Variants in DDTL observed in about 807,000 individuals in gnomAD.
DDTL encodes the protein D-dopachrome tautomerase like, also known as putative D-dopachrome decarboxylase-like protein.
Under a neutral mutation model 1.1 loss-of-function variants are expected in DDTL, and 1 was observed. That is an observed-to-expected ratio of 0.91 (90% confidence interval 0.32 to 4.31). DDTL has a LOEUF of 4.31. DDTL is among the 30% of genes most tolerant of loss of function. The probability of loss-of-function intolerance (pLI) is 0.17; values close to 1 mark genes in which losing one functional copy is unlikely to be tolerated. For missense variants in DDTL, 54 were observed against 48.9 expected (o/e 1.10, Z -0.31); for synonymous variants, 21 against 16.6 (o/e 1.26, Z -0.64).
In DDTL at chr22:23,971,431, C is replaced by A. The variant is rs775227001; in HGVS notation, c.*25C>A. 6.2e-7 allele frequency: 1 copy of A among 1,610,854 alleles called. No individual in the cohort carries two copies. Among genetic ancestry groups the A allele is most frequent in the Non-Finnish European group, 8.5e-7 (1 of 1,178,100 alleles). ...AGGATGAAGAAGAGGATTATGTGAT[C>A]ACAGGAATGTTGCATGCGGGATAAT... On this transcript the variant is annotated 3_prime_UTR_variant, in exon 3 of 3. Coordinates refer to ENST00000215770, the MANE Select transcript of DDTL (RefSeq NM_001084393.2).
chr22:23,971,226 G>C, intron 2 of DDTL, 60 bp from the exon 3 acceptor site: 2 of 1,550,916 alleles, frequency 1.3e-6, no homozygotes, highest in Non-Finnish European at 1.7e-6. Flanking sequence ...GTGGAGAGCA[G>C]AGCCTCCAGG....
At chr22:23,969,904 T>G (rs2033867666) in intron 2 of DDTL, 1 of 979,202 alleles carries the variant, frequency 1.0e-6, no homozygotes, top group African/African-American at 1.8e-5. Flanking sequence ...CAGTGCTGTG[T>G]AGGTGGCAGT....
intron 2 of DDTL, chr22:23,969,304 G>A: frequency 1.0e-6 from 1 of 985,402 alleles, no homozygotes; most frequent in Non-Finnish European, 1.2e-6. Context: ...ACAGACATTA[G>A]TGGTGGGGGG....
At chr22:23,969,249 C>T (rs1245401090) in intron 2 of DDTL, 1 of 985,422 alleles carries the variant, frequency 1.0e-6, no homozygotes, top group Admixed American at 6.1e-5. Context: ...GCGCTCCTCA[C>T]TGAAAACTGC....
rs1026628773 is a variant in DDTL, at chr22:23,971,159, C to T, written c.285-127C>T. The T allele has an allele frequency of 3.5e-6, 5 of 1,410,308 alleles. No homozygotes were observed. In the Admixed American group the frequency reaches 6.9e-5, roughly 19 times the overall value. The allele number at this position is 1,410,308 out of a possible 1,614,324, so 87.4% of individuals were successfully genotyped here. A position where few individuals can be genotyped will look rare whatever the true frequency, so the allele number is the denominator to read the frequency against. ...ACAGGAGCCTCAGGTCAGCAGTCTG[C>T]AGGAAGGCCCCAGCTGGACCAGCTG... On this transcript the variant is annotated intron_variant, in intron 2 of 2. Coordinates refer to ENST00000215770, the MANE Select transcript of DDTL (RefSeq NM_001084393.2).
Position 23,971,537 on chromosome 22 carries a change from C to A in DDTL, c.*131C>A. The A allele has an allele frequency of 6.2e-7, 1 of 1,613,694 alleles. No homozygotes were observed. Among genetic ancestry groups the A allele is most frequent in the South Asian group, 1.1e-5 (1 of 91,004 alleles). ...CAGCCAGTTCACAGATGCCCTGGATCCCTCCGTGCCCAATCATAAAAAAGT... is the reference window on the plus strand; with the variant it reads ...CAGCCAGTTCACAGATGCCCTGGATACCTCCGTGCCCAATCATAAAAAAGT... On this transcript the variant is annotated 3_prime_UTR_variant, in exon 3 of 3. Coordinates refer to ENST00000215770, the MANE Select transcript of DDTL (RefSeq NM_001084393.2).
At position 23,970,103 on chromosome 22, in the gene DDTL, G is replaced by A. The variant is rs143006391; in HGVS notation, c.285-1183G>A. Among the ~76,000 whole-genome samples the A allele has an allele frequency of 4.0e-4, 61 of 152,294 alleles. 1 individual carries two copies. The South Asian group carries it at 5.0e-3, about 12-fold the overall frequency. On this transcript the variant is annotated intron_variant, in intron 2 of 2. Transcript: ENST00000215770. Reference sequence around the variant, plus strand: ...CTAGTGCTGGAGGCATGAAGATGGGGTGTGTTCAGGGCTCTCCAGCAGTCC... The same window carrying A: ...CTAGTGCTGGAGGCATGAAGATGGGATGTGTTCAGGGCTCTCCAGCAGTCC...
At chr22:23,969,382 T>G in intron 2 of DDTL, 1 of 984,270 alleles carries the variant, frequency 1.0e-6, no homozygotes, top group Non-Finnish European at 1.2e-6. Flanking sequence ...AGTCTGCAAT[T>G]AGGAGGAGGC....
At chr22:23,970,035 C>G (rs1255794429) in intron 2 of DDTL, among the ~76,000 whole-genome samples, 1 of 152,102 alleles carries the variant, frequency 6.6e-6, no homozygotes. Context: ...TAGAAGTGAC[C>G]TTGAGTTGCA....
chr22:23,971,701 C>T lies in DDTL; in HGVS notation c.*295C>T. On this transcript the variant is annotated 3_prime_UTR_variant, in exon 3 of 3. Coordinates refer to ENST00000215770, the MANE Select transcript of DDTL (RefSeq NM_001084393.2). The stretch of plus-strand genomic sequence containing the variant: ...TTGCAAGACCCCTGCCAGGTACTCC[C>T]ACTGTGGGTACTCAGGACAGCCTGC... The T allele has an allele frequency of 4.5e-6, 6 of 1,342,718 alleles. No homozygotes were observed. The highest frequency in any genetic ancestry group is 6.3e-6 in the Non-Finnish European group (6 of 958,704). 83.2% of individuals were successfully genotyped at this position (1,342,718 alleles called of 1,614,324 possible). A position where few individuals can be genotyped will look rare whatever the true frequency, so the allele number is the denominator to read the frequency against.
chr22:23,970,609 G>A (rs2033883812), intron 2 of DDTL, among the ~76,000 whole-genome samples: 1 of 152,104 alleles, frequency 6.6e-6, no homozygotes, highest in African/African-American at 2.4e-5. Flanking sequence ...GTGACTGGGT[G>A]TATATGTGTG....
intron 2 of DDTL, among the ~76,000 whole-genome samples, chr22:23,970,513 T>C (rs977277609): frequency 6.6e-6 from 1 of 151,220 alleles, no homozygotes; most frequent in Admixed American, 6.6e-5. Context: ...AATGCTGTGA[T>C]TGTGTGTGTG....
At position 23,971,283 on chromosome 22, in the gene DDTL, C is replaced by T. The variant is rs1243433057; in HGVS notation, c.285-3C>T. On this transcript the variant is annotated splice_region_variant and splice_polypyrimidine_tract_variant and intron_variant, in intron 2 of 2. Transcript: ENST00000215770. ...CTGAGCAGTCTAAATCATCCCCCTC[C>T]AGGTTCCCTACGGTCTTATCCACCA... 1 of 1,610,346 alleles carries T rather than the reference C, an allele frequency of 6.2e-7. No homozygotes were observed. Among genetic ancestry groups the T allele is most frequent in the African/African-American group, 1.3e-5 (1 of 74,722 alleles).
At chr22:23,969,396 T>C in intron 2 of DDTL, 1 of 983,392 alleles carries the variant, frequency 1.0e-6, no homozygotes, top group African/African-American at 1.8e-5. Flanking sequence ...AGGAGGCAGA[T>C]TGCCCCTCAG....
At position 23,971,269 on chromosome 22, in the gene DDTL, A is replaced by C. The variant is rs925666063; in HGVS notation, c.285-17A>C. 8 of 1,606,484 alleles carry C rather than the reference A, an allele frequency of 5.0e-6. No homozygotes were observed. The East Asian group carries it at 6.7e-5, about 14-fold the overall frequency. Reference sequence around the variant, plus strand: ...TCCCAGCCCCAGATCTGAGCAGTCTAAATCATCCCCCTCCAGGTTCCCTAC... The same window carrying C: ...TCCCAGCCCCAGATCTGAGCAGTCTCAATCATCCCCCTCCAGGTTCCCTAC... On this transcript the variant is annotated splice_polypyrimidine_tract_variant and intron_variant, in intron 2 of 2. Coordinates refer to ENST00000215770, the MANE Select transcript of DDTL (RefSeq NM_001084393.2).
chr22:23,971,783 C>T lies in DDTL; in HGVS notation c.*377C>T, dbSNP rs2033909540. On this transcript the variant is annotated 3_prime_UTR_variant, in exon 3 of 3. Coordinates refer to ENST00000215770, the MANE Select transcript of DDTL (RefSeq NM_001084393.2). Reference sequence around the variant, plus strand: ...CATCCCAATAATGATTTTCCCCAACCCCCAGCAGGGCAGTGGGACACTCAG... The same window carrying T: ...CATCCCAATAATGATTTTCCCCAACTCCCAGCAGGGCAGTGGGACACTCAG... 2 of 664,752 alleles carry T rather than the reference C, an allele frequency of 3.0e-6. No homozygotes were observed. The highest frequency in any genetic ancestry group is 2.9e-5 in the Admixed American group (1 of 34,760). The allele number at this position is 664,752 out of a possible 1,614,324, so 41.2% of individuals were successfully genotyped here. A position where few individuals can be genotyped will look rare whatever the true frequency, so the allele number is the denominator to read the frequency against.
At chr22:23,969,448 ATGAG>A in intron 2 of DDTL, 1 of 986,430 alleles carries the variant, frequency 1.0e-6, no homozygotes, top group Non-Finnish European at 1.2e-6. Flanking sequence ...AGCACACACG[ATGAG>A]GCTACTGTGT....
rs1359398220 is a variant in DDTL, at chr22:23,969,533, G to C, written c.285-1753G>C. The C allele has an allele frequency of 5.1e-6, 5 of 985,318 alleles. No homozygotes were observed. The African/African-American group carries it at 8.8e-5, about 17-fold the overall frequency. The allele number at this position is 985,318 out of a possible 1,614,324, so 61.0% of individuals were successfully genotyped here. On this transcript the variant is annotated intron_variant, in intron 2 of 2. Coordinates refer to ENST00000215770, the MANE Select transcript of DDTL (RefSeq NM_001084393.2). The stretch of plus-strand genomic sequence containing the variant: ...CCACACCTGAGTGTCCCACTGCCCT[G>C]CTGGGGGTTGGGGAATGCTCATTAC...
Position 23,969,108 on chromosome 22 carries a change from C to T in DDTL, c.284+1547C>T, listed in dbSNP as rs866328452. ...CCCATTTGATCCTTACAATCCCTAT[C>T]CACTCTCCCTTTGCTCAGACAAGAC... On this transcript the variant is annotated intron_variant, in intron 2 of 2. Transcript: ENST00000215770. 4.8e-5 allele frequency: 13 copies of T among 271,870 alleles called. 4 individuals carry two copies. The highest frequency in any genetic ancestry group is 5.9e-5 in the Non-Finnish European group (13 of 221,296). 16.8% of individuals were successfully genotyped at this position (271,870 alleles called of 1,614,324 possible).
Sources: allele counts gnomAD v4.1 joint callset (sites outside exome capture counted in the v4.1 genomes callset), GRCh38; gene constraint gnomAD v4.1.1; transcripts MANE v1.5; gene names NCBI Gene and HGNC (gene_info 2026-07-23, HGNC 2026-07-21).